WNT16: variants seen among roughly 807,000 people sequenced by gnomAD.
WNT16 encodes Wnt family member 16.
Under a neutral mutation model 35.4 loss-of-function variants are expected in WNT16, and 20 were observed. That is an observed-to-expected ratio of 0.56 (90% CI 0.40 to 0.82). The LOEUF (loss-of-function observed/expected upper bound fraction) is 0.82, where lower values mean the gene tolerates loss of function less well. Among genes scored for constraint, WNT16 ranks in the 40% least tolerant of loss-of-function variants. The probability of loss-of-function intolerance (pLI) is 0.00; values close to 1 mark genes in which losing one functional copy is unlikely to be tolerated. For missense variants in WNT16, 461 were observed against 466.0 expected, an observed-to-expected ratio of 0.99 and a Z score of 0.10; for synonymous variants, 180 against 179.2, an observed-to-expected ratio of 1.00 and a Z score of -0.03.
In WNT16 at chr7:121,340,531, T is replaced by C. The variant is rs758825731; in HGVS notation, c.*1186T>C. On this transcript the variant is annotated 3_prime_UTR_variant, in exon 4 of 4. Coordinates refer to ENST00000222462, the MANE Select transcript of WNT16 (RefSeq NM_057168.2). Reference sequence around the variant, plus strand: ...ATAGATTAAAATATGTTGCAAAATATCAAAAATTTGTGTTATTTCAGCAGT... The same window carrying C: ...ATAGATTAAAATATGTTGCAAAATACCAAAAATTTGTGTTATTTCAGCAGT... 10 of 152,024 alleles carry C rather than the reference T, an allele frequency of 6.6e-5. No individual in the cohort carries two copies. Among genetic ancestry groups the C allele is most frequent in the African/African-American group, 7.2e-5 (3 of 41,442 alleles). The allele number at this position is 152,024 out of a possible 1,614,324, so 9.4% of individuals were successfully genotyped here.
At position 121,340,500 on chromosome 7, in the gene WNT16, T is replaced by A. The variant is rs935184504; in HGVS notation, c.*1155T>A. ...ATTTCTTGCTAAAATGACAGTTTTA[T>A]ATGTTATAGATTAAAATATGTTGCA... On this transcript the variant is annotated 3_prime_UTR_variant, in exon 4 of 4. Coordinates refer to ENST00000222462, the MANE Select transcript of WNT16 (RefSeq NM_057168.2). 1 of 152,078 alleles carries A rather than the reference T, an allele frequency of 6.6e-6. No individual in the cohort carries two copies. Among genetic ancestry groups the A allele is most frequent in the Non-Finnish European group, 1.5e-5 (1 of 67,946 alleles). The allele number at this position is 152,078 out of a possible 1,614,324, so 9.4% of individuals were successfully genotyped here. A position where few individuals can be genotyped will look rare whatever the true frequency, so the allele number is the denominator to read the frequency against.
At chr7:121,335,824 G>A (rs183991998) in intron 3 of WNT16, among the ~76,000 whole-genome samples, 11 of 151,934 alleles carry the variant, frequency 7.2e-5, no homozygotes, top group Admixed American at 3.3e-4. Flanking sequence ...TAAGATAAAC[G>A]TCTTAATCAG....
In WNT16 at chr7:121,329,343, A is replaced by T. The variant is rs766545066; in HGVS notation, c.51A>T (p.Ala17=). The T allele has an allele frequency of 6.2e-6, 10 of 1,604,992 alleles. No homozygotes were observed. The highest frequency in any genetic ancestry group is 8.5e-6 in the Non-Finnish European group (10 of 1,175,842). The stretch of plus-strand genomic sequence containing the variant: ...TGGCCCGCTTGTGCGCGCTGTGGGC[A>T]GCCCTGCTCGTGCTGTTCCCCTACG... The part of the protein sequence containing the change: ...LGLARLCALW[A]ALLVLFPYGA... The change falls in exon 1 of 4, where the codon GCA becomes GCT. Residue 17 remains alanine, a synonymous_variant. Transcript: ENST00000222462.
In WNT16 at chr7:121,331,964, G is replaced by C. The variant is rs1169962643; in HGVS notation, c.633G>C (p.Gln211His). 1.2e-6 allele frequency: 2 copies of C among 1,613,476 alleles called. No homozygotes were observed. The highest frequency in any genetic ancestry group is 1.7e-5 in the Admixed American group (1 of 60,006). Residue 211 changes from glutamine to histidine, a missense_variant and splice_region_variant, in exon 3 of 4, where the codon CAG becomes CAC. By Grantham distance (24) the Gln-to-His change is conservative. Transcript: ENST00000222462. ...MNLHNNEAGR[Q>H]AVAKLMSVDC... is the part of the protein sequence containing the mutation. ...TACATAACAATGAAGCTGGAAGGCA[G>C]GTATGTATTAGAAAATGGAATAATC... is the stretch of plus-strand genomic sequence containing the variant.
At position 121,338,938 on chromosome 7, in the gene WNT16, G is replaced by A. The variant is rs1199623213; in HGVS notation, c.691G>A (p.Ala231Thr). 1 of 1,614,002 alleles carries A rather than the reference G, an allele frequency of 6.2e-7. No homozygotes were observed. The highest frequency in any genetic ancestry group is 8.5e-7 in the Non-Finnish European group (1 of 1,180,006). Residue 231 changes from alanine (A) to threonine (T), a missense_variant, in exon 4 of 4, where the codon GCT becomes ACT. Ala to Thr is a moderately conservative substitution (Grantham distance 58). Coordinates refer to ENST00000222462, the MANE Select transcript of WNT16 (RefSeq NM_057168.2). The part of the protein sequence containing the change: ...CRCHGVSGSC[A>T]VKTCWKTMSS... ...CTGCCACGGAGTTTCCGGCTCCTGT[G>A]CTGTGAAAACATGCTGGAAAACCAT...
rs1388316634 is a variant in WNT16 at position 121,329,303 on chromosome 7, C to CACA, written c.11_12insACA (p.Ala4_Ala5insGln). The stretch of plus-strand genomic sequence containing the variant: ...CTCCATGCGGGGGCGATGGACAGGG[C>CACA]GGCGCTCCTGGGACTGGCCCGCTTG... On this transcript the variant is annotated inframe_insertion, in exon 1 of 4. Transcript: ENST00000222462. 15 of 1,575,978 alleles carry CACA rather than the reference C, an allele frequency of 9.5e-6. No homozygotes were observed. In the Admixed American group the frequency reaches 1.3e-4, roughly 14 times the overall value.
upstream of WNT16, chr7:121,325,532 G>C (rs1206438446): frequency 6.4e-6 from 10 of 1,557,078 alleles, no homozygotes; most frequent in Non-Finnish European, 7.9e-6. Context: ...ATGTTTCAAT[G>C]GAGAGATCTG....
Position 121,331,962 on chromosome 7 carries a change from C to A in WNT16, c.631C>A (p.Gln211Lys), listed in dbSNP as rs74389152. Residue 211 changes from glutamine (Q) to lysine (K), a missense_variant and splice_region_variant, in exon 3 of 4, where the codon CAG (glutamine) becomes AAG (lysine). By Grantham distance (53) the Gln-to-Lys change is moderately conservative (BLOSUM62 1). Coordinates refer to ENST00000222462, the MANE Select transcript of WNT16 (RefSeq NM_057168.2). ...CCTACATAACAATGAAGCTGGAAGG[C>A]AGGTATGTATTAGAAAATGGAATAA... is the stretch of plus-strand genomic sequence containing the variant. ...MNLHNNEAGR[Q>K]AVAKLMSVDC... 3,782 of 1,613,618 alleles carry A rather than the reference C, an allele frequency of 2.3e-3. 13 individuals are homozygous for A. Among genetic ancestry groups the A allele is most frequent in the Non-Finnish European group, 2.6e-3 (3,097 of 1,179,664 alleles).
Position 121,339,427 on chromosome 7 carries a change from G to A in WNT16, c.*82G>A, listed in dbSNP as rs542118860. On this transcript the variant is annotated 3_prime_UTR_variant, in exon 4 of 4. Coordinates refer to ENST00000222462, the MANE Select transcript of WNT16 (RefSeq NM_057168.2). ...AGAGAGGTGCCCATCCCTGTGCAGC[G>A]CTAGTAAAGTTGACTCTTGCAGTGG... 72 of 1,316,624 alleles carry A rather than the reference G, an allele frequency of 5.5e-5. No individual in the cohort carries two copies. The East Asian group carries it at 1.1e-3, about 20-fold the overall frequency. The allele number at this position is 1,316,624 out of a possible 1,614,324, so 81.6% of individuals were successfully genotyped here.
Position 121,339,327 on chromosome 7 carries a change from T to C in WNT16, c.1080T>C (p.Asp360=), listed in dbSNP as rs1293796600. Residue 360 remains aspartate, a synonymous_variant, in exon 4 of 4, where the codon GAT becomes GAC. Coordinates refer to ENST00000222462, the MANE Select transcript of WNT16 (RefSeq NM_057168.2). ...VRCRRCESMT[D]VHTCK ...GCAGGAGGTGTGAAAGCATGACTGA[T>C]GTCCACACTTGCAAGTAACCACTCC... The C allele has an allele frequency of 6.2e-7, 1 of 1,612,370 alleles. No homozygotes were observed. Among genetic ancestry groups the C allele is most frequent in the Non-Finnish European group, 8.5e-7 (1 of 1,179,454 alleles).
Position 121,329,812 on chromosome 7 carries a change from G to A in WNT16, c.341G>A (p.Ser114Asn), listed in dbSNP as rs756020674. ...AGCCCCCTCTTTGGCTACGAGCTGA[G>A]CAGCGGTGAGTCCTGGGTCCTTAGG... The part of the protein sequence containing the change: ...GASPLFGYEL[S>N]SGTKETAFIY... Residue 114 changes from serine to asparagine, a missense_variant, in exon 2 of 4, where the codon AGC (serine) becomes AAC (asparagine). Coordinates refer to ENST00000222462, the MANE Select transcript of WNT16 (RefSeq NM_057168.2). 1.2e-6 allele frequency: 2 copies of A among 1,602,060 alleles called. No homozygotes were observed. The highest frequency in any genetic ancestry group is 8.5e-7 in the Non-Finnish European group (1 of 1,179,970).
At chr7:121,333,300 C>A (rs973689158) in intron 3 of WNT16, among the ~76,000 whole-genome samples, 3 of 151,922 alleles carry the variant, frequency 2.0e-5, no homozygotes, top group African/African-American at 7.2e-5. Flanking sequence ...GTTTTCTTTA[C>A]TTTGTCCATT....
chr7:121,332,014 A>T, intron 3 of WNT16, 50 bp downstream of exon 3: 1 of 1,590,486 alleles, frequency 6.3e-7, no homozygotes, highest in Non-Finnish European at 8.6e-7. Context: ...TTAGGTAAAT[A>T]ACTAGGATTA....
intron 3 of WNT16, among the ~76,000 whole-genome samples, chr7:121,338,129 G>T (rs187572885): frequency 3.6e-4 from 55 of 152,120 alleles, no homozygotes; most frequent in Non-Finnish European, 6.0e-4. Flanking sequence ...CTTTGTATGT[G>T]ACTGACTTTT....
chr7:121,325,552 A>T, upstream of WNT16: 1 of 1,471,906 alleles, frequency 6.8e-7, no homozygotes, highest in Non-Finnish European at 9.3e-7. Context: ...GTGAATTGTG[A>T]CGTAAGGAAC....
chr7:121,326,736 A>G (rs3779381), upstream of WNT16, among the ~76,000 whole-genome samples: 43,027 of 152,108 alleles, frequency 0.28, 6,400 homozygotes, highest in African/African-American at 0.37. Flanking sequence ...TCATTTGAGT[A>G]AGTGCTATCC....
upstream of WNT16, among the ~76,000 whole-genome samples, chr7:121,328,102 T>A (rs1377555445): frequency 6.6e-6 from 1 of 152,202 alleles, no homozygotes; most frequent in African/African-American, 2.4e-5. Flanking sequence ...AGTACGTTTT[T>A]AAAAATGTGT....
At position 121,341,023 on chromosome 7, in the gene WNT16, G is replaced by A. The variant is rs1193080351; in HGVS notation, c.*1678G>A. 6.6e-6 allele frequency: 1 copy of A among 152,052 alleles called. No homozygotes were observed. The highest frequency in any genetic ancestry group is 1.5e-5 in the Non-Finnish European group (1 of 67,984). 9.4% of individuals were successfully genotyped at this position (152,052 alleles called of 1,614,324 possible). On this transcript the variant is annotated 3_prime_UTR_variant, in exon 4 of 4. Transcript: ENST00000222462. ...CTTTAATTTTATTCACTGAGGCAGA[G>A]AAACAATTTTTGAAAAAGAGCAAAC...
At chr7:121,329,408 G>A (rs1472563359) in intron 1 of WNT16, 21 bp downstream of exon 1, 22 of 1,606,444 alleles carry the variant, frequency 1.4e-5, no homozygotes, top group Non-Finnish European at 1.8e-5. Flanking sequence ...AGGTGGCAGG[G>A]AAGCATCGGG....
Sources: allele counts gnomAD v4.1 joint callset (sites outside exome capture counted in the v4.1 genomes callset), GRCh38; gene constraint gnomAD v4.1.1; transcripts MANE v1.5; gene names NCBI Gene and HGNC (gene_info 2026-07-23, HGNC 2026-07-21).